The following PALB2 variants were observed in gnomAD, a reference collection of about 807,000 sequenced individuals.
PALB2 encodes mutant partner and localizer of BRCA2.
PALB2 carries 82 observed loss-of-function variants against 107.4 expected under a neutral mutation model. The ratio of observed to expected loss-of-function variants is 0.76; its 90% CI spans 0.64 to 0.92. PALB2 has a LOEUF of 0.92. PALB2 is among the 40% of genes least tolerant of loss of function. The pLI, the probability that PALB2 is intolerant of heterozygous loss-of-function variation, is 0.00. For missense variants in PALB2, 1,374 were observed against 1,379.9 expected, an observed-to-expected ratio of 1.00 and a Z score of 0.07; for synonymous variants, 489 against 496.8, an observed-to-expected ratio of 0.98 and a Z score of 0.21.
chr16:23,635,628 A>C lies in PALB2; in HGVS notation c.918T>G (p.Asn306Lys), dbSNP rs114428350. Residue 306 changes from asparagine (N) to lysine (K), a missense_variant, in exon 4 of 13, where the codon AAT (asparagine) becomes AAG (lysine). Transcript: ENST00000261584. ...GTTGGCCACTTTTACTTATAGCTTT[A>C]TTTACAAGGAGGTTATCTGTAGAGA... ...MTVSTDNLLV[N>K]KAISKSGQLP... 6.2e-7 allele frequency: 1 copy of C among 1,614,094 alleles called. No individual in the cohort carries two copies. The highest frequency in any genetic ancestry group is 1.3e-5 in the African/African-American group (1 of 75,034).
chr16:23,629,985 CAT>C lies in PALB2; in HGVS notation c.2167_2168del (p.Met723ValfsTer21), dbSNP rs587776416. On this transcript the variant is annotated frameshift_variant, in exon 5 of 13. Coordinates refer to ENST00000261584, the MANE Select transcript of PALB2 (RefSeq NM_024675.4). LOFTEE classifies it high-confidence loss of function. ...CTAAGATGGGGAAAGCAGGTGAACA[CAT>C]GTCTGTGGTAGGCCTGTCATTATCA... ...PDDNDRPTTD[M>X]CSPAFPILGT... is the part of the protein sequence containing the mutation. 2.4e-5 allele frequency: 38 copies of C among 1,614,024 alleles called. No individual in the cohort carries two copies. In the Admixed American group the frequency reaches 2.5e-4, roughly 11 times the overall value.
chr16:23,637,858 T>C lies in PALB2; in HGVS notation c.203A>G (p.Lys68Arg). Residue 68 changes from lysine to arginine, a missense_variant, in exon 3 of 13, where the codon AAA becomes AGA. Transcript: ENST00000261584. ...GAATGGTCTAGATTTACCTGAGTGTTTTAGCTGCGGTGAGAGATCCTGCTG... is the reference window on the plus strand; with the variant it reads ...GAATGGTCTAGATTTACCTGAGTGTCTTAGCTGCGGTGAGAGATCCTGCTG... Reference protein sequence around the residue: ...LSQQDLSPQLKHSEPKNKICV... With the variant: ...LSQQDLSPQLRHSEPKNKICV... 6.2e-7 allele frequency: 1 copy of C among 1,610,762 alleles called. No individual in the cohort carries two copies. The highest frequency in any genetic ancestry group is 8.5e-7 in the Non-Finnish European group (1 of 1,176,940).
rs1966769191 is a variant in PALB2, at chr16:23,621,398, A to G, written c.3077T>C (p.Leu1026Pro). The change falls in exon 10 of 13, where the codon CTG becomes CCG. Residue 1026 changes from leucine (L) to proline (P), a missense_variant. Leu to Pro is a moderately conservative substitution (Grantham distance 98). Transcript: ENST00000261584. ...FAEVQGMQEA[L>P]LGTTIMNNIV... ...GTTGTTCATAATAGTAGTACCAAGC[A>G]GAGCTTCTTGCATCCCTTGGACCTC... The G allele has an allele frequency of 6.2e-7, 1 of 1,613,764 alleles. No homozygotes were observed. Among genetic ancestry groups the G allele is most frequent in the Non-Finnish European group, 8.5e-7 (1 of 1,179,644 alleles).
At chr16:23,610,472 C>A (rs1334915751) in intron 11 of PALB2, among the ~76,000 whole-genome samples, 4 of 151,736 alleles carry the variant, frequency 2.6e-5, no homozygotes, top group African/African-American at 9.7e-5. Flanking sequence ...CCATGCCCAG[C>A]TAATTTTTGT....
chr16:23,616,670 T>C (rs1006357743), intron 10 of PALB2, among the ~76,000 whole-genome samples: 2 of 152,148 alleles, frequency 1.3e-5, no homozygotes, highest in Admixed American at 6.6e-5. Flanking sequence ...GAGACCCAGA[T>C]ACCTACTGAA....
chr16:23,618,730 G>A (rs1966724676), intron 10 of PALB2, among the ~76,000 whole-genome samples: 1 of 152,024 alleles, frequency 6.6e-6, no homozygotes, highest in Non-Finnish European at 1.5e-5. Context: ...GCAAGGAGAT[G>A]AACTACTAGA....
At chr16:23,625,225 C>T (rs1217785598) in intron 7 of PALB2, among the ~76,000 whole-genome samples, 6 of 152,122 alleles carry the variant, frequency 3.9e-5, no homozygotes, top group African/African-American at 9.6e-5. Flanking sequence ...CCCAGCTACT[C>T]GGGAGGCTGA....
chr16:23,634,791 A>T (rs897706447), intron 4 of PALB2, 71 bp downstream of exon 4: 4 of 1,544,018 alleles, frequency 2.6e-6, no homozygotes, highest in Middle Eastern at 1.8e-4. Flanking sequence ...AAAGAAAAGG[A>T]AGTGCCAGGC....
At chr16:23,627,148 G>A (rs1011612178) in intron 6 of PALB2, among the ~76,000 whole-genome samples, 3 of 152,068 alleles carry the variant, frequency 2.0e-5, no homozygotes, top group Non-Finnish European at 4.4e-5. Context: ...ACCACAGAGC[G>A]TGGCCAAAGC....
intron 6 of PALB2, among the ~76,000 whole-genome samples, chr16:23,626,845 T>A (rs562617959): frequency 6.6e-6 from 1 of 152,118 alleles, no homozygotes; most frequent in African/African-American, 2.4e-5. Context: ...GGTCTTGAAC[T>A]CCTGACCTCA....
At chr16:23,622,853 C>CTTA in intron 9 of PALB2, 116 bp downstream of exon 9, 6 of 1,169,548 alleles carry the variant, frequency 5.1e-6, no homozygotes, top group Non-Finnish European at 7.6e-6. Context: ...GCGGTACATG[C>CTTA]TTATATTACA....
rs1567221341 is a variant in PALB2, at chr16:23,635,338, A to C, written c.1208T>G (p.Leu403Arg). Residue 403 changes from leucine to arginine, a missense_variant, in exon 4 of 13, where the codon CTG becomes CGG. Transcript: ENST00000261584. The part of the protein sequence containing the change: ...KHSCTVPEGL[L>R]FPAEYYVRTT... Reference sequence around the variant, plus strand: ...TCTAACATAATATTCTGCAGGAAACAGAAGGCCTTCAGGCACTGTGCAAGA... The same window carrying C: ...TCTAACATAATATTCTGCAGGAAACCGAAGGCCTTCAGGCACTGTGCAAGA... 6.2e-7 allele frequency: 1 copy of C among 1,614,088 alleles called. No individual in the cohort carries two copies.
intron 4 of PALB2, among the ~76,000 whole-genome samples, chr16:23,631,456 G>A (rs1223794977): frequency 1.3e-5 from 2 of 151,926 alleles, no homozygotes; most frequent in Non-Finnish European, 1.5e-5. Context: ...GCAACAGAGC[G>A]AGATTCTGTC....
intron 1 of PALB2, chr16:23,640,667 T>C (rs906695498): frequency 4.0e-6 from 1 of 249,546 alleles, no homozygotes; most frequent in East Asian, 5.9e-5. Context: ...ATACCATTTA[T>C]GAACATTCCC....
At chr16:23,638,352 C>T (rs1483870494) in intron 1 of PALB2, 1 of 604,156 alleles carries the variant, frequency 1.7e-6, no homozygotes, top group African/African-American at 1.8e-5. Context: ...CCAATTCCTA[C>T]TGATTCCTCA....
intron 12 of PALB2, 121 bp from the exon 13 acceptor site, chr16:23,603,790 G>T: frequency 1.2e-6 from 1 of 839,066 alleles, no homozygotes; most frequent in Non-Finnish European, 1.9e-6. Flanking sequence ...CTGTAACTAT[G>T]AATGCCTACA....
At chr16:23,631,228 G>A (rs1290574895) in intron 4 of PALB2, among the ~76,000 whole-genome samples, 5 of 147,498 alleles carry the variant, frequency 3.4e-5, no homozygotes, top group East Asian at 2.0e-4. Context: ...TGCAGTTAGC[G>A]GAGATGGCAC....
intron 12 of PALB2, chr16:23,607,288 ATTTT>A (rs11356162): frequency 9.4e-5 from 12 of 127,066 alleles, no homozygotes; most frequent in Admixed American, 2.5e-4. Flanking sequence ...CTTTATGTGA[ATTTT>A]TTTTTTTTTT....
In PALB2 at chr16:23,635,056, T is replaced by C. The variant is rs1966962812; in HGVS notation, c.1490A>G (p.Asn497Ser). Residue 497 changes from asparagine (N) to serine (S), a missense_variant, in exon 4 of 13, where the codon AAT becomes AGT. Physicochemically the swap from Asn to Ser is conservative, Grantham distance 46. Transcript: ENST00000261584. ...VSSPAGPTED[N>S]DLSRKAVAQA... ...GGCAACTGCCTTCCTAGACAAGTCA[T>C]TATCTTCAGTGGGCCCAGCGGGAGA... 1 of 1,614,180 alleles carries C rather than the reference T, an allele frequency of 6.2e-7. No homozygotes were observed. Among genetic ancestry groups the C allele is most frequent in the African/African-American group, 1.3e-5 (1 of 75,024 alleles).
Sources: allele counts gnomAD v4.1 joint callset (sites outside exome capture counted in the v4.1 genomes callset), GRCh38; gene constraint gnomAD v4.1.1; transcripts MANE v1.5; gene names NCBI Gene and HGNC (gene_info 2026-07-23, HGNC 2026-07-21).